Variants in FBRSL1 observed in about 807,000 individuals in gnomAD.
The protein encoded by FBRSL1 is fibrosin like 1.
A neutral mutation model predicts 89.6 loss-of-function variants in FBRSL1; 51 were observed. The ratio of observed to expected loss-of-function variants is 0.57; its 90% CI spans 0.45 to 0.72. The LOEUF is 0.72. Ranked by LOEUF, FBRSL1 falls within the 30% of genes least tolerant of loss-of-function variation. The probability of loss-of-function intolerance (pLI) is 0.00; values close to 1 mark genes in which losing one functional copy is unlikely to be tolerated. For synonymous variants in FBRSL1, 779 were observed against 681.1 expected (o/e 1.14, Z -2.24); for missense variants, 1,618 against 1,451.8 (o/e 1.11, Z -1.86).
chr12:132,572,700 ACT>A, intron 11 of FBRSL1, 78 bp downstream of exon 11: 1 of 1,031,834 alleles, frequency 9.7e-7, no homozygotes, highest in African/African-American at 1.6e-5. Context: ...ACCTCGCCAA[ACT>A]CTCTGCCCAC....
intron 3 of FBRSL1, among the ~76,000 whole-genome samples, chr12:132,527,482 C>A (rs933679318): frequency 6.6e-6 from 1 of 152,240 alleles, no homozygotes; most frequent in South Asian, 2.1e-4. Context: ...TAACTCTGTC[C>A]TCCTCCCTGC....
chr12:132,527,048 A>G (rs2035846105), intron 3 of FBRSL1, among the ~76,000 whole-genome samples: 1 of 152,110 alleles, frequency 6.6e-6, no homozygotes, highest in South Asian at 2.1e-4. Flanking sequence ...CCTGCAGACC[A>G]GAGTGTGCCC....
At chr12:132,550,187 C>T (rs1383467175) in intron 5 of FBRSL1, among the ~76,000 whole-genome samples, 3 of 101,318 alleles carry the variant, frequency 3.0e-5, no homozygotes, top group Non-Finnish European at 5.7e-5. Context: ...GGCCACAGGT[C>T]CTGAGGAGGA....
chr12:132,541,092 TG>T (rs909565010), intron 4 of FBRSL1, among the ~76,000 whole-genome samples: 3 of 141,362 alleles, frequency 2.1e-5, no homozygotes, highest in Non-Finnish European at 4.5e-5. Flanking sequence ...ACTGTGAGCC[TG>T]GGGGGCACAG....
chr12:132,571,856 T>G (rs1242534940), intron 9 of FBRSL1: 4 of 327,016 alleles, frequency 1.2e-5, no homozygotes, highest in Non-Finnish European at 2.2e-5. Context: ...TGACTCAGGG[T>G]GCCTCCCGTG....
chr12:132,524,967 G>A (rs1033691868), intron 2 of FBRSL1, among the ~76,000 whole-genome samples: 7 of 152,220 alleles, frequency 4.6e-5, no homozygotes, highest in African/African-American at 7.2e-5. Flanking sequence ...CGGGGCCACC[G>A]TGTGAGCAAA....
intron 5 of FBRSL1, among the ~76,000 whole-genome samples, chr12:132,560,622 C>A (rs1022990789): frequency 1.6e-4 from 25 of 152,134 alleles, no homozygotes; most frequent in Non-Finnish European, 1.6e-4. Context: ...GGCTGCGCCG[C>A]GTGTCTGGCC....
intron 3 of FBRSL1, among the ~76,000 whole-genome samples, chr12:132,527,269 G>T (rs574186266): frequency 6.6e-6 from 1 of 152,324 alleles, no homozygotes; most frequent in South Asian, 2.1e-4. Flanking sequence ...CTGGGGCCCT[G>T]GGCTGACCTC....
chr12:132,546,550 A>T lies in FBRSL1; in HGVS notation c.616-1453A>T, dbSNP rs1018012658. On this transcript the variant is annotated intron_variant, in intron 4 of 18. Transcript: ENST00000680143. This position sits in a 1 kb window ranked among gnomAD's most constrained non-coding sequence, Gnocchi z 4.0. ...AGGGCTTGGCCACGGCTGAAAGGCC[A>T]GACCGGGGGGACCCTAGGAGAGGGC... Among the ~76,000 whole-genome samples, 3 of 151,042 alleles carry T rather than the reference A, an allele frequency of 2.0e-5. No individual in the cohort carries two copies. Among genetic ancestry groups the T allele is most frequent in the Non-Finnish European group, 4.4e-5 (3 of 67,776 alleles).
intron 5 of FBRSL1, among the ~76,000 whole-genome samples, chr12:132,557,750 C>T (rs1353737926): frequency 6.6e-6 from 1 of 152,230 alleles, no homozygotes; most frequent in African/African-American, 2.4e-5. Context: ...TCCTGCTCCC[C>T]CAACTCCCCA....
chr12:132,563,765 C>CA (rs2039347943), intron 5 of FBRSL1, among the ~76,000 whole-genome samples: 1 of 97,034 alleles, frequency 1.0e-5, no homozygotes, highest in Non-Finnish European at 2.1e-5. Flanking sequence ...TGCACCCCTC[C>CA]GGCTGACACA....
At chr12:132,514,863 C>T (rs2034694917) in intron 2 of FBRSL1, among the ~76,000 whole-genome samples, 1 of 152,200 alleles carries the variant, frequency 6.6e-6, no homozygotes, top group African/African-American at 2.4e-5. Context: ...CGTTTCACTC[C>T]ATGTACTTTG....
At chr12:132,541,325 G>A (rs543531666) in intron 4 of FBRSL1, among the ~76,000 whole-genome samples, 1 of 152,202 alleles carries the variant, frequency 6.6e-6, no homozygotes, top group Non-Finnish European at 1.5e-5. Flanking sequence ...ACCGTGGATG[G>A]CCAAAGGTGC....
intron 5 of FBRSL1, among the ~76,000 whole-genome samples, chr12:132,563,743 C>T (rs78644250): frequency 1.9e-5 from 2 of 105,488 alleles, no homozygotes; most frequent in Admixed American, 8.6e-5. Context: ...CCCCGAGCTC[C>T]TGTGCACCCC....
chr12:132,495,626 G>A (rs901434698), intron 1 of FBRSL1, among the ~76,000 whole-genome samples: 6 of 152,234 alleles, frequency 3.9e-5, no homozygotes, highest in Admixed American at 1.3e-4. Context: ...GGGGTGCGGA[G>A]CTGAGCCGGG....
intron 2 of FBRSL1, among the ~76,000 whole-genome samples, chr12:132,522,317 A>G (rs2035429158): frequency 6.9e-6 from 1 of 144,178 alleles, no homozygotes; most frequent in East Asian, 2.4e-4. Context: ...ACCCAGAGGC[A>G]GTGATTTTTG....
chr12:132,495,308 G>T (rs937948780), intron 1 of FBRSL1, among the ~76,000 whole-genome samples: 4 of 152,214 alleles, frequency 2.6e-5, no homozygotes, highest in Non-Finnish European at 5.9e-5. Context: ...GTGGGGGCGG[G>T]GCTGGGCCCG....
At chr12:132,542,444 G>A (rs1335392462) in intron 4 of FBRSL1, among the ~76,000 whole-genome samples, 1 of 152,232 alleles carries the variant, frequency 6.6e-6, no homozygotes, top group Non-Finnish European at 1.5e-5. Context: ...CCGTGTTGTT[G>A]GGGTGTTTTT....
At chr12:132,571,872 C>T (rs942072736) in intron 9 of FBRSL1, 16 of 329,616 alleles carry the variant, frequency 4.9e-5, no homozygotes, top group South Asian at 7.8e-5. Context: ...CCGTGTTCCC[C>T]GCCCCGGAGG....
Sources: gnomAD v4.1 joint callset for allele counts (sites outside exome capture counted in the v4.1 genomes callset) on GRCh38, gnomAD v4.1.1 for gene constraint, Gnocchi (gnomAD v3.1) non-coding constraint, MANE v1.5 for transcripts, NCBI Gene and HGNC (gene_info 2026-07-23, HGNC 2026-07-21) for gene names.